TMEM44: variants seen among roughly 807,000 people sequenced by gnomAD.
TMEM44 encodes the protein transmembrane protein 44.
Under a neutral mutation model 47.8 loss-of-function variants are expected in TMEM44, and 43 were observed. The ratio of observed to expected loss-of-function variants is 0.90; its 90% CI spans 0.70 to 1.16. The LOEUF (loss-of-function observed/expected upper bound fraction) is 1.16. Among genes scored for constraint, TMEM44 ranks in the 50% most tolerant of loss-of-function variants. The pLI is 0.00. For synonymous variants in TMEM44, 277 were observed against 238.8 expected, an observed-to-expected ratio of 1.16 and a Z score of -1.48; for missense variants, 568 against 555.2, an observed-to-expected ratio of 1.02 and a Z score of -0.23.
chr3:194,623,784 C>T (rs1669067400), intron 3 of TMEM44, 89 bp from the exon 4 acceptor site: 2 of 1,545,078 alleles, frequency 1.3e-6, no homozygotes, highest in Admixed American at 1.8e-5. Flanking sequence ...GTGTCAGCTC[C>T]CCACATGATG....
chr3:194,603,321 C>T (rs1000872691), intron 9 of TMEM44, among the ~76,000 whole-genome samples: 5 of 152,350 alleles, frequency 3.3e-5, no homozygotes, highest in Non-Finnish European at 5.9e-5. Context: ...TGTGTATGGC[C>T]CCACTAACAC....
At chr3:194,609,929 T>A (rs1228689068) in intron 8 of TMEM44, among the ~76,000 whole-genome samples, 2 of 151,930 alleles carry the variant, frequency 1.3e-5, no homozygotes, top group Non-Finnish European at 2.9e-5. Context: ...CTCCCATCAC[T>A]CTCAAGATGA....
chr3:194,625,497 G>A (rs1269581838), intron 3 of TMEM44, among the ~76,000 whole-genome samples: 1 of 150,086 alleles, frequency 6.7e-6, no homozygotes, highest in Admixed American at 6.7e-5. Context: ...CACCAGGTTT[G>A]TTGAGACGGA....
intron 1 of TMEM44, among the ~76,000 whole-genome samples, chr3:194,630,789 G>A (rs568879931): frequency 6.0e-5 from 9 of 150,080 alleles, no homozygotes; most frequent in African/African-American, 1.5e-4. Flanking sequence ...ATACGTTGTC[G>A]CACGTGCCTC....
At chr3:194,623,109 A>G (rs1716740075) in intron 5 of TMEM44, 115 bp downstream of exon 5, 5 of 981,954 alleles carry the variant, frequency 5.1e-6, no homozygotes, top group Non-Finnish European at 7.4e-6. Flanking sequence ...AGCTGAGCCC[A>G]TGTCCATGCA....
chr3:194,626,513 G>A (rs1717196134), intron 2 of TMEM44, among the ~76,000 whole-genome samples: 1 of 152,130 alleles, frequency 6.6e-6, no homozygotes, highest in South Asian at 2.1e-4. Context: ...TGTGGAGTTT[G>A]AATCGCGGAA....
At chr3:194,599,580 T>A (rs1257511002) in intron 9 of TMEM44, among the ~76,000 whole-genome samples, 2 of 123,804 alleles carry the variant, frequency 1.6e-5, no homozygotes, top group Non-Finnish European at 3.1e-5. Context: ...ATTTTCTTTT[T>A]CTTTTCTTTT....
intron 8 of TMEM44, among the ~76,000 whole-genome samples, chr3:194,610,602 T>C (rs1433366962): frequency 6.6e-6 from 1 of 152,186 alleles, no homozygotes; most frequent in Non-Finnish European, 1.5e-5. Flanking sequence ...CCTCTTTTTC[T>C]TGATTTAGCC....
At chr3:194,598,679 G>A (rs9839920) in intron 9 of TMEM44, among the ~76,000 whole-genome samples, 58,050 of 151,912 alleles carry the variant, frequency 0.38, 11,889 homozygotes, top group East Asian at 0.77. Context: ...ATGAACTGGA[G>A]TGCTGGGGTT....
intron 9 of TMEM44, among the ~76,000 whole-genome samples, chr3:194,599,341 C>T (rs140041637): frequency 5.9e-5 from 9 of 152,180 alleles, no homozygotes; most frequent in African/African-American, 2.2e-4. Context: ...CATGAGTGAT[C>T]CAACAGCCAG....
At chr3:194,614,605 C>T (rs375172931) in intron 7 of TMEM44, among the ~76,000 whole-genome samples, 1 of 152,216 alleles carries the variant, frequency 6.6e-6, no homozygotes, top group East Asian at 1.9e-4. Context: ...CGGGGTTTCA[C>T]CCTGTTGCCC....
rs181980729 is a variant in TMEM44, at chr3:194,593,194, G to T, written c.1177-4555C>A. The T allele has an allele frequency of 3.2e-5, 32 of 988,362 alleles. No individual in the cohort carries two copies. The South Asian group carries it at 4.1e-4, about 13-fold the overall frequency. 61.2% of individuals were successfully genotyped at this position (988,362 alleles called of 1,614,324 possible). On this transcript the variant is annotated intron_variant, in intron 9 of 9. Coordinates refer to ENST00000347147, the MANE Select transcript of TMEM44 (RefSeq NM_001011655.3). ...TGAGCCAGGAGACAGGCCCTTAGATGGTTGGGGGCAAAGGAACAGGTGACT... is the reference window on the plus strand; with the variant it reads ...TGAGCCAGGAGACAGGCCCTTAGATTGTTGGGGGCAAAGGAACAGGTGACT...
chr3:194,623,018 C>T lies in TMEM44; in HGVS notation c.612+206G>A. The T allele has an allele frequency of 6.1e-6, 3 of 488,930 alleles. No homozygotes were observed. The South Asian group carries it at 9.0e-5, about 15-fold the overall frequency. 30.3% of individuals were successfully genotyped at this position (488,930 alleles called of 1,614,324 possible). ...CTTTCCCCGAGAGGCTCCCGCCGTC[C>T]TCAGGACGCCCTGGGTTGGCTGCCC... On this transcript the variant is annotated intron_variant, in intron 5 of 9. Transcript: ENST00000347147.
At chr3:194,607,708 G>C (rs1714921879) in intron 8 of TMEM44, among the ~76,000 whole-genome samples, 1 of 152,186 alleles carries the variant, frequency 6.6e-6, no homozygotes, top group Non-Finnish European at 1.5e-5. Flanking sequence ...ACTTAGACCA[G>C]TACTCTGGCC....
intron 8 of TMEM44, among the ~76,000 whole-genome samples, chr3:194,605,339 C>T (rs566180424): frequency 6.6e-6 from 1 of 152,334 alleles, no homozygotes; most frequent in East Asian, 1.9e-4. Context: ...ACCTGCTTTC[C>T]AGACCAGCAT....
In TMEM44 at chr3:194,590,204, TG is replaced by T. The variant is rs1223623137; in HGVS notation, c.1177-1566del. 7.2e-5 allele frequency: 11 copies of T among 152,346 alleles called. 2 individuals are homozygous for T. In the East Asian group the frequency reaches 1.9e-3, roughly 27 times the overall value. 9.4% of individuals were successfully genotyped at this position (152,346 alleles called of 1,614,324 possible). ...GCCATCCCAGTGATAAAACACAAAT[TG>T]TGGCCTTGTTTTGGACAGAAATAAA... is the stretch of plus-strand genomic sequence containing the variant. On this transcript the variant is annotated intron_variant, in intron 9 of 9. Transcript: ENST00000347147.
At chr3:194,632,620 T>A (rs1717936631) in intron 1 of TMEM44, among the ~76,000 whole-genome samples, 1 of 152,132 alleles carries the variant, frequency 6.6e-6, no homozygotes, top group African/African-American at 2.4e-5. Flanking sequence ...CTTGCCAAGG[T>A]CCTAAGAGTT....
intron 1 of TMEM44, 22 bp from the exon 2 acceptor site, chr3:194,628,531 C>G (rs1387447185): frequency 6.3e-7 from 1 of 1,587,070 alleles, no homozygotes; most frequent in African/African-American, 1.3e-5. Flanking sequence ...GGGGTGTGGA[C>G]AGAACACAGC....
At chr3:194,610,527 G>GC (rs1190854201) in intron 8 of TMEM44, among the ~76,000 whole-genome samples, 1 of 151,960 alleles carries the variant, frequency 6.6e-6, no homozygotes, top group Non-Finnish European at 1.5e-5. Flanking sequence ...CACCTGCATA[G>GC]CAAGAAAACC....
Sources: allele counts gnomAD v4.1 joint callset (sites outside exome capture counted in the v4.1 genomes callset), GRCh38; gene constraint gnomAD v4.1.1; transcripts MANE v1.5; gene names NCBI Gene and HGNC (gene_info 2026-07-23, HGNC 2026-07-21).